Variants in GUCY1A2 observed in about 807,000 individuals in gnomAD.
GUCY1A2 encodes guanylate cyclase 1 soluble subunit alpha 2, also known as guanylate cyclase soluble subunit alpha-2.
Under a neutral mutation model 63.5 loss-of-function variants are expected in GUCY1A2, and 27 were observed. That is an observed-to-expected ratio of 0.43 (90% CI 0.31 to 0.59). GUCY1A2 has a LOEUF of 0.59. Ranked by LOEUF, GUCY1A2 falls within the 20% of genes least tolerant of loss-of-function variation. GUCY1A2 has a pLI of 0.11. For synonymous variants in GUCY1A2, 364 were observed against 343.5 expected, an observed-to-expected ratio of 1.06 and a Z score of -0.66; for missense variants, 768 against 913.3, an observed-to-expected ratio of 0.84 and a Z score of 2.05.
At chr11:107,004,083 T>G (rs997692346) in intron 1 of GUCY1A2, among the ~76,000 whole-genome samples, 2 of 152,198 alleles carry the variant, frequency 1.3e-5, no homozygotes, top group Admixed American at 1.3e-4. Context: ...CCAGGCAATA[T>G]ATAGAGAGGA....
chr11:106,698,554 T>C (rs966014345), intron 7 of GUCY1A2, among the ~76,000 whole-genome samples: 2 of 152,212 alleles, frequency 1.3e-5, no homozygotes, highest in African/African-American at 4.8e-5. Flanking sequence ...GTGAGTTCTC[T>C]TATATTCTTT....
intron 5 of GUCY1A2, among the ~76,000 whole-genome samples, chr11:106,807,143 AAT>A (rs1474282130): frequency 1.3e-5 from 2 of 152,110 alleles, no homozygotes; most frequent in Non-Finnish European, 2.9e-5. Context: ...TATTCTACAT[AAT>A]TACCCAAATT....
intron 5 of GUCY1A2, among the ~76,000 whole-genome samples, chr11:106,786,758 C>T (rs1864561893): frequency 6.6e-6 from 1 of 152,216 alleles, no homozygotes; most frequent in Non-Finnish European, 1.5e-5. Context: ...ACCTCTACCA[C>T]TGTAATTGAC....
chr11:106,723,997 C>T (rs965315734), intron 6 of GUCY1A2, among the ~76,000 whole-genome samples: 1 of 152,178 alleles, frequency 6.6e-6, no homozygotes, highest in African/African-American at 2.4e-5. Context: ...TTGACAGAAA[C>T]TTGCTTAAGG....
intron 6 of GUCY1A2, among the ~76,000 whole-genome samples, chr11:106,740,690 T>TATGTATG (rs1565274754): frequency 1.2e-5 from 1 of 81,202 alleles, no homozygotes; most frequent in African/African-American, 5.1e-5. Context: ...ATGTATGTAT[T>TATGTATG]TAGAGACAGA....
intron 5 of GUCY1A2, among the ~76,000 whole-genome samples, chr11:106,805,268 CGTAGTCTCACT>C (rs1565295658): frequency 3.4e-5 from 5 of 146,318 alleles, no homozygotes; most frequent in African/African-American, 1.3e-4. Flanking sequence ...TTTTTTGAGA[CGTAGTCTCACT>C]CTGTTGCCCA....
Position 106,687,484 on chromosome 11 carries a change from C to A in GUCY1A2, c.*65G>T. The A allele has an allele frequency of 8.9e-7, 1 of 1,129,918 alleles. No homozygotes were observed. The allele number at this position is 1,129,918 out of a possible 1,614,324, so 70.0% of individuals were successfully genotyped here. A position where few individuals can be genotyped will look rare whatever the true frequency, so the allele number is the denominator to read the frequency against. ...TGAAAGAGACACAATCTCTTTCCAC[C>A]CCCCATTGGTGACCCATGTTCTGGG... On this transcript the variant is annotated 3_prime_UTR_variant, in exon 8 of 8. Coordinates refer to ENST00000526355, the MANE Select transcript of GUCY1A2 (RefSeq NM_000855.3).
intron 4 of GUCY1A2, among the ~76,000 whole-genome samples, chr11:106,875,926 A>G (rs1046254064): frequency 2.6e-5 from 4 of 151,998 alleles, no homozygotes; most frequent in Non-Finnish European, 4.4e-5. Context: ...TGAGGACACC[A>G]TGGTCTTTGG....
At chr11:106,869,719 C>T (rs1394865874) in intron 4 of GUCY1A2, among the ~76,000 whole-genome samples, 1 of 152,098 alleles carries the variant, frequency 6.6e-6, no homozygotes, top group Non-Finnish European at 1.5e-5. Flanking sequence ...GGATCTAGAG[C>T]TAGAAATACC....
chr11:106,990,941 C>T (rs556884487), intron 1 of GUCY1A2, among the ~76,000 whole-genome samples: 7 of 152,166 alleles, frequency 4.6e-5, no homozygotes, highest in Non-Finnish European at 1.0e-4. Flanking sequence ...AAGACACAAA[C>T]TTAATAGAAA....
chr11:106,799,930 A>G (rs1298855433), intron 5 of GUCY1A2, among the ~76,000 whole-genome samples: 1 of 152,230 alleles, frequency 6.6e-6, no homozygotes, highest in Non-Finnish European at 1.5e-5. Flanking sequence ...ACAGCAAAAG[A>G]AACCACCATC....
intron 1 of GUCY1A2, among the ~76,000 whole-genome samples, chr11:107,009,969 G>A (rs1007517894): frequency 2.0e-5 from 3 of 152,116 alleles, no homozygotes; most frequent in South Asian, 4.1e-4. Flanking sequence ...GATCCTCTGA[G>A]GATGAGACCC....
At chr11:107,012,326 T>C (rs1861758868) in intron 1 of GUCY1A2, among the ~76,000 whole-genome samples, 1 of 151,124 alleles carries the variant, frequency 6.6e-6, no homozygotes, top group East Asian at 1.9e-4. Flanking sequence ...ATTAGGTGAC[T>C]AGCAAGTGAA....
intron 4 of GUCY1A2, among the ~76,000 whole-genome samples, chr11:106,933,338 T>C (rs775901825): frequency 1.3e-5 from 2 of 151,692 alleles, no homozygotes; most frequent in Non-Finnish European, 2.9e-5. Flanking sequence ...ACCAAACATA[T>C]AAAAAAATAC....
intron 7 of GUCY1A2, among the ~76,000 whole-genome samples, chr11:106,696,888 T>G (rs1189978441): frequency 6.6e-6 from 1 of 152,124 alleles, no homozygotes; most frequent in East Asian, 1.9e-4. Context: ...ATCTCTTACA[T>G]TTTAGAGTTT....
intron 3 of GUCY1A2, among the ~76,000 whole-genome samples, chr11:106,944,318 G>A (rs953732222): frequency 6.8e-6 from 1 of 147,796 alleles, no homozygotes; most frequent in African/African-American, 2.5e-5. Context: ...TAGTGGTGCA[G>A]GCCCGCAGTC....
chr11:106,992,354 G>T (rs959391266), intron 1 of GUCY1A2, among the ~76,000 whole-genome samples: 2 of 119,664 alleles, frequency 1.7e-5, no homozygotes, highest in African/African-American at 6.6e-5. Context: ...TTTTGATACC[G>T]AGTCTCGCTC....
intron 7 of GUCY1A2, among the ~76,000 whole-genome samples, chr11:106,693,481 A>T (rs573813408): frequency 1.3e-5 from 2 of 152,130 alleles, no homozygotes; most frequent in East Asian, 3.8e-4. Flanking sequence ...ATTTGGTACA[A>T]TGACAATTAG....
chr11:106,949,329 C>G (rs1429260644), intron 3 of GUCY1A2, among the ~76,000 whole-genome samples: 1 of 152,130 alleles, frequency 6.6e-6, no homozygotes, highest in Non-Finnish European at 1.5e-5. Flanking sequence ...CTCTCAGTCC[C>G]CCATTTCACA....
Sources: allele counts gnomAD v4.1 joint callset (sites outside exome capture counted in the v4.1 genomes callset), GRCh38; gene constraint gnomAD v4.1.1; transcripts MANE v1.5; gene names NCBI Gene and HGNC (gene_info 2026-07-23, HGNC 2026-07-21).